Variants in GPC4 observed in about 807,000 individuals in gnomAD.
GPC4 encodes glypican 4.
GPC4 carries 10 observed loss-of-function variants against 35.0 expected under a neutral mutation model. That is an observed-to-expected ratio of 0.29 (90% CI 0.18 to 0.48). The LOEUF (loss-of-function observed/expected upper bound fraction) is 0.48, where lower values mean the gene tolerates loss of function less well. Among genes scored for constraint, GPC4 ranks in the 20% least tolerant of loss-of-function variants. The probability of loss-of-function intolerance (pLI) is 0.99; values close to 1 mark genes in which losing one functional copy is unlikely to be tolerated. For synonymous variants in GPC4, 167 were observed against 170.2 expected, an observed-to-expected ratio of 0.98 and a Z score of 0.15; for missense variants, 322 against 451.3, an observed-to-expected ratio of 0.71 and a Z score of 2.60.
intron 1 of GPC4, among the ~76,000 whole-genome samples, chrX:133,357,807 A>C (rs985197613): frequency 2.0e-4 from 22 of 111,603 alleles, no homozygotes; most frequent in Non-Finnish European, 3.8e-5. Context: ...GAAGCATTAA[A>C]ATTATACAGT....
chrX:133,388,103 AGCAAT>A (rs1449958909), intron 1 of GPC4, among the ~76,000 whole-genome samples: 1 of 112,092 alleles, frequency 8.9e-6, no homozygotes, highest in African/African-American at 3.2e-5. Context: ...AAGGGACTTT[AGCAAT>A]GCTGGCCATA....
intron 1 of GPC4, among the ~76,000 whole-genome samples, chrX:133,361,728 A>C (rs1241211597): frequency 8.9e-6 from 1 of 111,910 alleles, no homozygotes; most frequent in Non-Finnish European, 1.9e-5. Flanking sequence ...GGTAACCCTG[A>C]AGGCTGAAAT....
chrX:133,370,129 C>T (rs1372776564), intron 1 of GPC4, among the ~76,000 whole-genome samples: 1 of 111,780 alleles, frequency 8.9e-6, no homozygotes, highest in African/African-American at 3.3e-5. Flanking sequence ...AAGAGCACGC[C>T]TCAAAACCCA....
At chrX:133,333,290 T>C (rs2068429029) in intron 2 of GPC4, among the ~76,000 whole-genome samples, 1 of 112,680 alleles carries the variant, frequency 8.9e-6, no homozygotes, top group East Asian at 2.8e-4. Flanking sequence ...TTTACTTCCC[T>C]CCAGACAGAT....
intron 3 of GPC4, among the ~76,000 whole-genome samples, chrX:133,312,436 C>T (rs1048750121): frequency 1.8e-5 from 2 of 110,273 alleles, no homozygotes; most frequent in Non-Finnish European, 3.8e-5. Flanking sequence ...CGAGACCAGC[C>T]TTGCCAGCAT....
intron 1 of GPC4, among the ~76,000 whole-genome samples, chrX:133,398,108 T>C (rs1275512407): frequency 9.0e-6 from 1 of 111,677 alleles, no homozygotes. Context: ...AAATAGGGCA[T>C]ATACCATAAT....
At chrX:133,351,370 G>A (rs1228621431) in intron 1 of GPC4, among the ~76,000 whole-genome samples, 1 of 87,143 alleles carries the variant, frequency 1.1e-5, no homozygotes, top group African/African-American at 4.5e-5. Flanking sequence ...CCCATCAACT[G>A]CCCCCCGCCA....
chrX:133,333,088 C>T (rs746350850), intron 2 of GPC4, among the ~76,000 whole-genome samples: 9 of 112,125 alleles, frequency 8.0e-5, no homozygotes, highest in Non-Finnish European at 1.3e-4. Flanking sequence ...CTGAAGCCTG[C>T]CTGCACAGGG....
chrX:133,406,935 G>T (rs2068790752), intron 1 of GPC4, among the ~76,000 whole-genome samples: 1 of 108,813 alleles, frequency 9.2e-6, no homozygotes, highest in African/African-American at 3.3e-5. Context: ...AACCAGCCGG[G>T]TGTGGCAGCA....
At chrX:133,314,359 T>C (rs963769907) in intron 3 of GPC4, among the ~76,000 whole-genome samples, 43 of 112,115 alleles carry the variant, frequency 3.8e-4, no homozygotes, top group Non-Finnish European at 7.3e-4. Context: ...ACAGACCTTG[T>C]AGTACCCTCC....
chrX:133,413,917 C>A (rs1257333219), intron 1 of GPC4, among the ~76,000 whole-genome samples: 3 of 111,165 alleles, frequency 2.7e-5, no homozygotes, highest in African/African-American at 6.5e-5. Flanking sequence ...CCCCCCATCC[C>A]ACCCCACCGG....
chrX:133,407,958 C>T (rs1414177750), intron 1 of GPC4, among the ~76,000 whole-genome samples: 1 of 112,494 alleles, frequency 8.9e-6, no homozygotes, highest in Non-Finnish European at 1.9e-5. Flanking sequence ...TTAACTCTCC[C>T]ATTCAGTTTT....
chrX:133,341,085 C>T (rs977305263), intron 1 of GPC4, among the ~76,000 whole-genome samples: 1 of 111,910 alleles, frequency 8.9e-6, no homozygotes, highest in Non-Finnish European at 1.9e-5. Context: ...AGAGGGGTTG[C>T]TAAGGCTCGG....
chrX:133,329,446 T>C (rs1257043414), intron 2 of GPC4, among the ~76,000 whole-genome samples: 4 of 111,618 alleles, frequency 3.6e-5, no homozygotes, highest in Non-Finnish European at 7.5e-5. Context: ...GGAGGTCTTC[T>C]AAGAAGACGC....
At chrX:133,343,588 T>C (rs1055006399) in intron 1 of GPC4, among the ~76,000 whole-genome samples, 2 of 111,827 alleles carry the variant, frequency 1.8e-5, no homozygotes, top group African/African-American at 3.3e-5. Context: ...CCTTGATTAG[T>C]TTTTTTCTTT....
At chrX:133,332,389 ACTT>A (rs1230456778) in intron 2 of GPC4, among the ~76,000 whole-genome samples, 1 of 110,839 alleles carries the variant, frequency 9.0e-6, no homozygotes, top group Non-Finnish European at 1.9e-5. Flanking sequence ...TGTGATTAAA[ACTT>A]CTTCAGAAGC....
intron 1 of GPC4, among the ~76,000 whole-genome samples, chrX:133,395,447 AC>A (rs2068738494): frequency 9.1e-6 from 1 of 110,115 alleles, no homozygotes; most frequent in Non-Finnish European, 1.9e-5. Flanking sequence ...ACACGGTGAA[AC>A]CCTGTCTCTA....
At chrX:133,414,587 G>T (rs969574576) in intron 1 of GPC4, 2 of 752,459 alleles carry the variant, frequency 2.7e-6, no homozygotes, top group African/African-American at 4.6e-5. Flanking sequence ...CCCTCCGCTC[G>T]CAGTGCTGGG....
intron 2 of GPC4, among the ~76,000 whole-genome samples, chrX:133,328,595 A>C (rs2068404581): frequency 9.0e-6 from 1 of 111,312 alleles, no homozygotes; most frequent in Non-Finnish European, 1.9e-5. Context: ...CAACTTCAGT[A>C]ATCGCTGCAA....
Sources: gnomAD v4.1 joint callset for allele counts (sites outside exome capture counted in the v4.1 genomes callset) on GRCh38, gnomAD v4.1.1 for gene constraint, MANE v1.5 for transcripts, NCBI Gene and HGNC (gene_info 2026-07-23, HGNC 2026-07-21) for gene names.